The following FANCA variants were observed in gnomAD, a reference collection of about 807,000 sequenced individuals.
FANCA encodes the protein FA complementation group A.
In FANCA, 236 loss-of-function variants were observed where a neutral mutation model predicts 194.3. That is an observed-to-expected ratio of 1.21 (90% confidence interval 1.09 to 1.35). The LOEUF (loss-of-function observed/expected upper bound fraction) is 1.35, where lower values mean the gene tolerates loss of function less well. Ranked by LOEUF, FANCA falls within the 40% of genes most tolerant of loss-of-function variation. The probability of loss-of-function intolerance (pLI) is 0.00; values close to 1 mark genes in which losing one functional copy is unlikely to be tolerated. For synonymous variants in FANCA, 1,014 were observed against 715.8 expected (o/e 1.42, Z -6.65); for missense variants, 2,628 against 1,813.9 (o/e 1.45, Z -8.15).
At chr16:89,743,257 T>TC (rs1201713114) in intron 36 of FANCA, among the ~76,000 whole-genome samples, 1 of 152,214 alleles carries the variant, frequency 6.6e-6, no homozygotes, top group Non-Finnish European at 1.5e-5. Context: ...GGCCTCATTT[T>TC]CCTCAGTTGC....
At chr16:89,753,661 C>T (rs991032746) in intron 30 of FANCA, among the ~76,000 whole-genome samples, 8 of 152,096 alleles carry the variant, frequency 5.3e-5, no homozygotes, top group Admixed American at 2.6e-4. Flanking sequence ...CCACAGCAAA[C>T]GTCAGATTTA....
chr16:89,816,091 T>A (rs1253947506), intron 1 of FANCA, 105 bp from the exon 2 acceptor site: 1 of 831,662 alleles, frequency 1.2e-6, no homozygotes, highest in African/African-American at 1.7e-5. Context: ...AGCGACACCC[T>A]CCCGAAGAGG....
In FANCA at chr16:89,766,065, C is replaced by T. The variant is rs570830272; in HGVS notation, c.2602-999G>A. ...AGGCTGGAGTGCAGTGGTGCAGTCTCGGCTCACTGCAACCTTTGCCTCCCT... is the reference window on the plus strand; with the variant it reads ...AGGCTGGAGTGCAGTGGTGCAGTCTTGGCTCACTGCAACCTTTGCCTCCCT... On this transcript the variant is annotated intron_variant, in intron 27 of 42. Coordinates refer to ENST00000389301, the MANE Select transcript of FANCA (RefSeq NM_000135.4). Among the ~76,000 whole-genome samples, 13 of 151,422 alleles carry T rather than the reference C, an allele frequency of 8.6e-5. No individual in the cohort carries two copies. The South Asian group carries it at 1.7e-3, about 19-fold the overall frequency.
chr16:89,792,220 G>T, intron 12 of FANCA, 152 bp from the exon 13 acceptor site: 1 of 1,001,506 alleles, frequency 1.0e-6, no homozygotes, highest in South Asian at 1.3e-5. Flanking sequence ...ACACCGTGGC[G>T]TCTCTCCCCT....
intron 36 of FANCA, chr16:89,744,732 C>T: frequency 1.7e-6 from 1 of 581,614 alleles, no homozygotes; most frequent in Non-Finnish European, 3.2e-6. Context: ...TCTCGGCTCA[C>T]TGGAAACTCC....
rs2039279238 is a variant in FANCA at position 89,770,268 on chromosome 16, A to T, written c.2223-9T>A. 6.4e-7 allele frequency: 1 copy of T among 1,565,312 alleles called. No homozygotes were observed. Among genetic ancestry groups the T allele is most frequent in the Non-Finnish European group, 8.7e-7 (1 of 1,154,424 alleles). The stretch of plus-strand genomic sequence containing the variant: ...CAGCCCAGGGACCCTGCCTGCAGAG[A>T]CAGCCGTGAAACCATCAGTACTAGC... On this transcript the variant is annotated splice_polypyrimidine_tract_variant and intron_variant, in intron 24 of 42. Coordinates refer to ENST00000389301, the MANE Select transcript of FANCA (RefSeq NM_000135.4).
chr16:89,740,359 G>T (rs1281457280), intron 38 of FANCA: 16 of 529,732 alleles, frequency 3.0e-5, no homozygotes, highest in Non-Finnish European at 5.1e-5. Context: ...AGGCCCACAG[G>T]CCGGATGCAG....
chr16:89,799,636 G>A lies in FANCA; in HGVS notation c.795C>T (p.Val265=), dbSNP rs778132823. The change falls in exon 9 of 43, where the codon GTC becomes GTT. Residue 265 remains valine (V), a splice_region_variant and synonymous_variant. Coordinates refer to ENST00000389301, the MANE Select transcript of FANCA (RefSeq NM_000135.4). The part of the protein sequence containing the change: ...RTVEPEKMPQ[V]TVDVLQRMLI... Reference sequence around the variant, plus strand: ...GCATTCTCTGCAGTACATCAACCGTGACCTGTCAAAATAGAATGTGAGTTA... The same window carrying A: ...GCATTCTCTGCAGTACATCAACCGTAACCTGTCAAAATAGAATGTGAGTTA... 8.1e-6 allele frequency: 13 copies of A among 1,611,612 alleles called. No individual in the cohort carries two copies. In the South Asian group the frequency reaches 1.1e-4, roughly 14 times the overall value.
intron 31 of FANCA, 33 bp downstream of exon 31, chr16:89,752,105 G>C: frequency 6.4e-7 from 1 of 1,573,224 alleles, no homozygotes; most frequent in Non-Finnish European, 8.8e-7. Context: ...TAAATGAAGT[G>C]AATGCACTGA....
rs948683912 is a variant in FANCA, at chr16:89,744,359, A to G, written c.3626+600T>C. 1.3e-4 allele frequency among the ~76,000 whole-genome samples: 20 copies of G among 152,284 alleles called. 1 individual carries two copies. Among genetic ancestry groups the G allele is most frequent in the African/African-American group, 4.6e-4 (19 of 41,570 alleles). On this transcript the variant is annotated intron_variant, in intron 36 of 42. Coordinates refer to ENST00000389301, the MANE Select transcript of FANCA (RefSeq NM_000135.4). ...CCTTAAGAACACGGCACCCACATTC[A>G]GCAGGTGGAGTGGCTGTCAGCTCTG... is the stretch of plus-strand genomic sequence containing the variant.
Position 89,765,855 on chromosome 16 carries a change from T to C in FANCA, c.2602-789A>G, listed in dbSNP as rs17233190. Among the ~76,000 whole-genome samples, 1,011 of 152,320 alleles carry C rather than the reference T, an allele frequency of 6.6e-3. 8 individuals are homozygous for C. Among genetic ancestry groups the C allele is most frequent in the South Asian group, 0.031 (148 of 4,822 alleles). On this transcript the variant is annotated intron_variant, in intron 27 of 42. Transcript: ENST00000389301. ...GACAAAGTTCCTCAGAGGAAATAAC[T>C]GGAAATACGTGCACCCTGGATCCTC...
chr16:89,752,503 G>A (rs1322361924), intron 30 of FANCA, among the ~76,000 whole-genome samples: 2 of 152,198 alleles, frequency 1.3e-5, no homozygotes, highest in African/African-American at 4.8e-5. Context: ...GAGGACACGA[G>A]CTGTTCCAGT....
chr16:89,783,761 A>G (rs1404100740), intron 15 of FANCA, among the ~76,000 whole-genome samples: 1 of 151,994 alleles, frequency 6.6e-6, no homozygotes, highest in Non-Finnish European at 1.5e-5. Context: ...CAGAGGGGAC[A>G]CAGCGTGTTT....
At chr16:89,746,484 T>A in intron 35 of FANCA, 100 bp downstream of exon 35, 2 of 943,702 alleles carry the variant, frequency 2.1e-6, no homozygotes, top group South Asian at 2.7e-5. Flanking sequence ...CCTGAGATGG[T>A]AACACCCGTG....
chr16:89,814,570 A>C lies in FANCA; in HGVS notation c.233T>G (p.Ile78Ser). ...LCKKLSLSKV[I>S]DCDSSEAYAN... ...ATAGGCCTCAGAACTGTCACAGTCA[A>C]TCACTTTGCTGAGAGACAATTTTTT... The change falls in exon 3 of 43, where the codon ATT (isoleucine) becomes AGT (serine). Residue 78 changes from isoleucine (I) to serine (S), a missense_variant. Transcript: ENST00000389301. The C allele has an allele frequency of 6.2e-7, 1 of 1,614,050 alleles. No individual in the cohort carries two copies. The highest frequency in any genetic ancestry group is 8.5e-7 in the Non-Finnish European group (1 of 1,179,902).
intron 30 of FANCA, among the ~76,000 whole-genome samples, chr16:89,756,280 A>G (rs1347692672): frequency 6.6e-6 from 1 of 152,244 alleles, no homozygotes; most frequent in African/African-American, 2.4e-5. Flanking sequence ...ACTACCCATT[A>G]GGGAAGTGCA....
chr16:89,779,153 C>A (rs1357075822), intron 18 of FANCA, 150 bp from the exon 19 acceptor site: 2 of 793,982 alleles, frequency 2.5e-6, no homozygotes, highest in Non-Finnish European at 4.2e-6. Flanking sequence ...AGTTCCGGGA[C>A]AAGGCATGTG....
rs34088132 is a variant in FANCA, at chr16:89,744,677, G to GTT, written c.3626+280_3626+281dup. 8.4e-3 allele frequency: 3,159 copies of GTT among 376,668 alleles called. 64 individuals are homozygous for GTT. The highest frequency in any genetic ancestry group is 0.053 in the African/African-American group (2,434 of 46,296). The allele number at this position is 376,668 out of a possible 1,614,324, so 23.3% of individuals were successfully genotyped here. A position where few individuals can be genotyped will look rare whatever the true frequency, so the allele number is the denominator to read the frequency against. On this transcript the variant is annotated intron_variant, in intron 36 of 42. Coordinates refer to ENST00000389301, the MANE Select transcript of FANCA (RefSeq NM_000135.4). ...ACTGGCAGAGGCTGTTTTTTTTTTT[G>GTT]TTTTTTTTCTGGACAGAGTCTTGCT...
Position 89,792,367 on chromosome 16 carries a change from A to C in FANCA, c.1083+104T>G, listed in dbSNP as rs1180757854. Reference sequence around the variant, plus strand: ...GCCACATCTCACCAGACATCCCTGAACCTCTCGATGTGCCGTCCACGGCAG... The same window carrying C: ...GCCACATCTCACCAGACATCCCTGACCCTCTCGATGTGCCGTCCACGGCAG... On this transcript the variant is annotated intron_variant, in intron 12 of 42. Transcript: ENST00000389301. 6 of 1,237,706 alleles carry C rather than the reference A, an allele frequency of 4.8e-6. No homozygotes were observed. The East Asian group carries it at 1.4e-4, about 29-fold the overall frequency. The allele number at this position is 1,237,706 out of a possible 1,614,324, so 76.7% of individuals were successfully genotyped here.
Sources: gnomAD v4.1 joint callset for allele counts (sites outside exome capture counted in the v4.1 genomes callset) on GRCh38, gnomAD v4.1.1 for gene constraint, MANE v1.5 for transcripts, NCBI Gene and HGNC (gene_info 2026-07-23, HGNC 2026-07-21) for gene names.